GRK5: variants seen among roughly 807,000 people sequenced by gnomAD.
GRK5 encodes G protein-coupled receptor kinase 5, also known as g protein-coupled receptor kinase GRK5.
In GRK5, 40 loss-of-function variants were observed where a neutral mutation model predicts 78.4. The observed-to-expected ratio is 0.51, with a 90% CI of 0.40 to 0.66. GRK5 has a LOEUF of 0.66. Among genes scored for constraint, GRK5 ranks in the 30% least tolerant of loss-of-function variants. The pLI, the probability that GRK5 is intolerant of heterozygous loss-of-function variation, is 0.00. For synonymous variants in GRK5, 289 were observed against 296.8 expected, an observed-to-expected ratio of 0.97 and a Z score of 0.27; for missense variants, 598 against 759.9, an observed-to-expected ratio of 0.79 and a Z score of 2.50.
chr10:119,384,309 C>T (rs953567944), intron 3 of GRK5, among the ~76,000 whole-genome samples: 16 of 152,224 alleles, frequency 1.1e-4, no homozygotes, highest in Non-Finnish European at 4.4e-5. Flanking sequence ...GCTTGCTTCT[C>T]ACATGCACCT....
chr10:119,262,718 C>G (rs1040056437), intron 1 of GRK5, among the ~76,000 whole-genome samples: 2 of 152,102 alleles, frequency 1.3e-5, no homozygotes, highest in Admixed American at 6.6e-5. Context: ...ATTTTGGAAT[C>G]ATTATAATGG....
chr10:119,341,195 T>C (rs1281692402), intron 2 of GRK5, among the ~76,000 whole-genome samples: 1 of 152,198 alleles, frequency 6.6e-6, no homozygotes, highest in East Asian at 1.9e-4. Flanking sequence ...AGCTCCTTGC[T>C]CCCTCCAGGC....
intron 2 of GRK5, among the ~76,000 whole-genome samples, chr10:119,349,597 G>A (rs1384606859): frequency 6.6e-6 from 1 of 152,230 alleles, no homozygotes; most frequent in African/African-American, 2.4e-5. Context: ...GGGCCTTCGG[G>A]TGGGGAACAT....
chr10:119,448,742 C>T (rs1374010993), intron 13 of GRK5, among the ~76,000 whole-genome samples: 1 of 152,198 alleles, frequency 6.6e-6, no homozygotes, highest in African/African-American at 2.4e-5. Context: ...GGCCCCTCCC[C>T]CAGCAGCTCA....
At chr10:119,443,854 G>C (rs911481262) in intron 12 of GRK5, 102 bp downstream of exon 12, 43 of 1,028,344 alleles carry the variant, frequency 4.2e-5, no homozygotes, top group Admixed American at 3.8e-4. Flanking sequence ...GAAGGGACAG[G>C]GGTCTGAGCA....
intron 3 of GRK5, among the ~76,000 whole-genome samples, chr10:119,390,714 A>G (rs1275766229): frequency 6.6e-6 from 1 of 152,170 alleles, no homozygotes; most frequent in Non-Finnish European, 1.5e-5. Flanking sequence ...AAAAACAAAC[A>G]AAATATCAGA....
chr10:119,431,044 C>G lies in GRK5; in HGVS notation c.598-343C>G, dbSNP rs1490472212. 6.6e-6 allele frequency among the ~76,000 whole-genome samples: 1 copy of G among 152,228 alleles called. No individual in the cohort carries two copies. The highest frequency in any genetic ancestry group is 1.5e-5 in the Non-Finnish European group (1 of 68,034). On this transcript the variant is annotated intron_variant, in intron 7 of 15. Transcript: ENST00000392870. The surrounding 1 kb of genome is among the most constrained non-coding windows in gnomAD (Gnocchi z 4.8). ...TCACTGCCTCCCAAAACAAACTTCT[C>G]TACCGGCAGCCGGTAGGAGAAAATC...
At chr10:119,310,673 G>A (rs1197027977) in intron 1 of GRK5, among the ~76,000 whole-genome samples, 1 of 152,188 alleles carries the variant, frequency 6.6e-6, no homozygotes, top group Non-Finnish European at 1.5e-5. Context: ...GGGATAGAGG[G>A]AAAAGGAGGG....
intron 10 of GRK5, 80 bp from the exon 11 acceptor site, chr10:119,441,919 G>A (rs1853044093): frequency 1.8e-6 from 2 of 1,090,552 alleles, no homozygotes; most frequent in South Asian, 2.5e-5. Context: ...GAGCTCGTAT[G>A]CCTTGCCCAA....
rs1031786945 is a variant in GRK5, at chr10:119,207,594, A to C, written c.-324A>C. 3.5e-6 allele frequency: 1 copy of C among 288,788 alleles called. No homozygotes were observed. The highest frequency in any genetic ancestry group is 6.5e-6 in the Non-Finnish European group (1 of 153,336). 17.9% of individuals were successfully genotyped at this position (288,788 alleles called of 1,614,324 possible). ...GCAGAAGCATCCGAGGCATTAAAGC[A>C]TCCGAGGGAGCCGGAGGGGAGGAGA... On this transcript the variant is annotated 5_prime_UTR_variant, in exon 1 of 16. Coordinates refer to ENST00000392870, the MANE Select transcript of GRK5 (RefSeq NM_005308.3).
At chr10:119,390,517 A>G (rs535760661) in intron 3 of GRK5, among the ~76,000 whole-genome samples, 52 of 151,884 alleles carry the variant, frequency 3.4e-4, no homozygotes, top group Non-Finnish European at 6.8e-4. Flanking sequence ...CAATATGGTG[A>G]AACCCCATCT....
chr10:119,402,298 T>A (rs2133860433), intron 4 of GRK5, among the ~76,000 whole-genome samples: 1 of 152,150 alleles, frequency 6.6e-6, no homozygotes, highest in Admixed American at 6.5e-5. Context: ...GTCTTAGGGA[T>A]TGTCTCGGGT....
intron 1 of GRK5, among the ~76,000 whole-genome samples, chr10:119,282,087 T>G (rs952749532): frequency 2.0e-5 from 3 of 152,150 alleles, no homozygotes; most frequent in Non-Finnish European, 4.4e-5. Flanking sequence ...CCCATGCCAG[T>G]GTGCCCTGCT....
intron 1 of GRK5, among the ~76,000 whole-genome samples, chr10:119,254,870 T>C (rs1849255495): frequency 6.6e-6 from 1 of 151,810 alleles, no homozygotes; most frequent in African/African-American, 2.4e-5. Flanking sequence ...GCCTGGCCAA[T>C]GTGGTGAAAC....
intron 2 of GRK5, among the ~76,000 whole-genome samples, chr10:119,352,964 T>A (rs1210560310): frequency 6.6e-6 from 1 of 152,210 alleles, no homozygotes; most frequent in Non-Finnish European, 1.5e-5. Context: ...CCTGAGGACC[T>A]GGGTTTGCTT....
intron 1 of GRK5, among the ~76,000 whole-genome samples, chr10:119,312,017 C>T (rs952908262): frequency 6.6e-5 from 10 of 150,588 alleles, no homozygotes; most frequent in African/African-American, 2.4e-4. Flanking sequence ...CCCGGGTTCA[C>T]GCCATTCTCC....
rs912111437 is a variant in GRK5 at position 119,403,727 on chromosome 10, G to A, written c.339+6955G>A. Among the ~76,000 whole-genome samples the A allele has an allele frequency of 5.0e-4, 76 of 152,118 alleles. 1 individual carries two copies. The highest frequency in any genetic ancestry group is 9.7e-4 in the Non-Finnish European group (66 of 67,982). ...CGGCTCACTGTAACCTCCACCCCCC[G>A]GGTTCAAGTGATCCTCCTGCCACCG... On this transcript the variant is annotated intron_variant, in intron 4 of 15. Transcript: ENST00000392870.
intron 2 of GRK5, among the ~76,000 whole-genome samples, chr10:119,339,341 G>A (rs1363398201): frequency 1.3e-5 from 2 of 152,190 alleles, no homozygotes; most frequent in Non-Finnish European, 2.9e-5. Context: ...GAGATGCTAG[G>A]AAAACACTTT....
chr10:119,352,280 C>A (rs1159343672), intron 2 of GRK5, among the ~76,000 whole-genome samples: 3 of 152,132 alleles, frequency 2.0e-5, no homozygotes, highest in Non-Finnish European at 4.4e-5. Flanking sequence ...AGAGCTCCAG[C>A]CACAATATTC....
Sources: allele counts gnomAD v4.1 joint callset (sites outside exome capture counted in the v4.1 genomes callset), GRCh38; gene constraint gnomAD v4.1.1; non-coding constraint Gnocchi (gnomAD v3.1); transcripts MANE v1.5; gene names NCBI Gene and HGNC (gene_info 2026-07-23, HGNC 2026-07-21).